IL1RAPL2: variants seen among roughly 807,000 people sequenced by gnomAD.
The protein encoded by IL1RAPL2 is interleukin 1 receptor accessory protein like 2, also known as X-linked interleukin-1 receptor accessory protein-like 2.
Under a neutral mutation model 44.1 loss-of-function variants are expected in IL1RAPL2, and 3 were observed. That is an observed-to-expected ratio of 0.07 (90% confidence interval 0.03 to 0.18). The LOEUF is 0.18. Among genes scored for constraint, IL1RAPL2 ranks in the 10% least tolerant of loss-of-function variants. The pLI is 1.00. For missense variants in IL1RAPL2, 391 were observed against 496.4 expected (o/e 0.79, Z 2.02); for synonymous variants, 181 against 178.8 (o/e 1.01, Z -0.10).
intron 5 of IL1RAPL2, among the ~76,000 whole-genome samples, chrX:105,434,497 T>C (rs182247622): frequency 4.0e-3 from 455 of 112,388 alleles, no homozygotes; most frequent in Non-Finnish European, 6.1e-3. Context: ...TTGTGGTGCA[T>C]CCACACAATG....
chrX:105,661,502 C>T (rs1426804889), intron 6 of IL1RAPL2, among the ~76,000 whole-genome samples: 1 of 112,183 alleles, frequency 8.9e-6, no homozygotes, highest in Non-Finnish European at 1.9e-5. Flanking sequence ...AGACCATTCT[C>T]AAGGATAGAC....
In IL1RAPL2 at chrX:104,585,333, A is replaced by AT. The variant is rs1465265131; in HGVS notation, c.-20+18283dup. 1.4e-3 allele frequency among the ~76,000 whole-genome samples: 24 copies of AT among 17,184 alleles called. 1 individual carries two copies. The African/African-American group carries it at 0.016, about 11-fold the overall frequency. The allele number at this position is 17,184 out of a possible 115,157, so 14.9% of individuals were successfully genotyped here. On this transcript the variant is annotated intron_variant, in intron 1 of 10. Coordinates refer to ENST00000372582, the MANE Select transcript of IL1RAPL2 (RefSeq NM_017416.2). ...ATATAATATATATTATATATAATAT[A>AT]TATTATATATTATATATATTATATA...
rs142175757 is a variant in IL1RAPL2 at position 105,370,892 on chromosome X, T to G, written c.697+103351T>G. Among the ~76,000 whole-genome samples the G allele has an allele frequency of 4.7e-3, 531 of 112,240 alleles. 4 individuals carry two copies. Among genetic ancestry groups the G allele is most frequent in the African/African-American group, 0.016 (505 of 30,959 alleles). ...AAGTGTTCCCTCTTCACTGCAGCCT[T>G]GCAAGCACCTGTTGTTTTTTGACTT... On this transcript the variant is annotated intron_variant, in intron 5 of 10. Transcript: ENST00000372582.
At chrX:105,016,393 G>T (rs772729109) in intron 2 of IL1RAPL2, among the ~76,000 whole-genome samples, 2 of 111,189 alleles carry the variant, frequency 1.8e-5, no homozygotes, top group Non-Finnish European at 3.8e-5. Flanking sequence ...CCTTCTGCCA[G>T]TTTTCAAAGG....
chrX:104,834,348 G>A (rs750791194), intron 2 of IL1RAPL2, among the ~76,000 whole-genome samples: 5 of 111,440 alleles, frequency 4.5e-5, no homozygotes, highest in East Asian at 2.8e-4. Context: ...CCTTGTCCAC[G>A]CCGCACCCTT....
At chrX:104,953,654 G>A (rs187066947) in intron 2 of IL1RAPL2, among the ~76,000 whole-genome samples, 12 of 111,440 alleles carry the variant, frequency 1.1e-4, no homozygotes, top group African/African-American at 3.9e-4. Flanking sequence ...CAAGAAAATA[G>A]GGGTAAGTTT....
chrX:104,624,185 C>G (rs1023835037), intron 1 of IL1RAPL2, among the ~76,000 whole-genome samples: 6 of 111,813 alleles, frequency 5.4e-5, no homozygotes, highest in Non-Finnish European at 9.4e-5. Context: ...AAGAATGCCT[C>G]AAACACCTGG....
chrX:105,203,990 C>T (rs1388150312), intron 3 of IL1RAPL2, among the ~76,000 whole-genome samples: 2 of 111,897 alleles, frequency 1.8e-5, no homozygotes, highest in East Asian at 2.8e-4. Context: ...AAAGCCCATA[C>T]TCAGATTCAA....
intron 7 of IL1RAPL2, among the ~76,000 whole-genome samples, chrX:105,723,901 G>A (rs1241882404): frequency 8.9e-6 from 1 of 111,741 alleles, no homozygotes; most frequent in Non-Finnish European, 1.9e-5. Context: ...TATGATTTTT[G>A]GGAGACCACA....
chrX:104,685,528 G>A (rs1403517342), intron 2 of IL1RAPL2, among the ~76,000 whole-genome samples: 3 of 111,267 alleles, frequency 2.7e-5, no homozygotes, highest in Non-Finnish European at 5.6e-5. Context: ...TGAGCACATT[G>A]CTGAATCATC....
At chrX:105,640,420 T>C (rs1261284750) in intron 6 of IL1RAPL2, among the ~76,000 whole-genome samples, 6 of 107,482 alleles carry the variant, frequency 5.6e-5, no homozygotes, top group Admixed American at 4.1e-4. Flanking sequence ...CTACAAATAA[T>C]GTTGCAACAG....
intron 6 of IL1RAPL2, among the ~76,000 whole-genome samples, chrX:105,509,464 G>A (rs1484953619): frequency 8.9e-6 from 1 of 112,083 alleles, no homozygotes; most frequent in Non-Finnish European, 1.9e-5. Context: ...GGCTTCATTG[G>A]TAGCCTCTGG....
intron 1 of IL1RAPL2, among the ~76,000 whole-genome samples, chrX:104,638,442 G>A (rs1929869909): frequency 9.0e-6 from 1 of 110,794 alleles, no homozygotes; most frequent in African/African-American, 3.3e-5. Flanking sequence ...TACTTGAGGT[G>A]CACTATTAAA....
intron 5 of IL1RAPL2, among the ~76,000 whole-genome samples, chrX:105,400,401 C>T (rs994457051): frequency 9.0e-5 from 10 of 110,837 alleles, no homozygotes; most frequent in Non-Finnish European, 1.5e-4. Context: ...ACTTATTGTG[C>T]GGGCTCTTAT....
chrX:104,871,103 A>G (rs1205941246), intron 2 of IL1RAPL2, among the ~76,000 whole-genome samples: 1 of 111,687 alleles, frequency 9.0e-6, no homozygotes, highest in Non-Finnish European at 1.9e-5. Flanking sequence ...TTAAATGTCT[A>G]TAATGGAAAT....
At chrX:105,248,490 G>A (rs928892003) in intron 4 of IL1RAPL2, among the ~76,000 whole-genome samples, 63 of 111,211 alleles carry the variant, frequency 5.7e-4, no homozygotes, top group African/African-American at 2.0e-3. Flanking sequence ...GAAAAATGAA[G>A]TGATCTTGTT....
chrX:105,670,046 T>C (rs1258436764), intron 6 of IL1RAPL2, among the ~76,000 whole-genome samples: 2 of 88,636 alleles, frequency 2.3e-5, no homozygotes, highest in Admixed American at 2.6e-4. Flanking sequence ...TGAAGTACTT[T>C]TACATTTTTG....
At chrX:105,493,233 G>T (rs2036333660) in intron 6 of IL1RAPL2, among the ~76,000 whole-genome samples, 1 of 111,677 alleles carries the variant, frequency 9.0e-6, no homozygotes, top group African/African-American at 3.3e-5. Context: ...GAGCATTCAT[G>T]TACAAATTTA....
chrX:105,605,201 C>A (rs181375916), intron 6 of IL1RAPL2, among the ~76,000 whole-genome samples: 2 of 110,903 alleles, frequency 1.8e-5, no homozygotes, highest in Non-Finnish European at 3.8e-5. Flanking sequence ...TATATAAATA[C>A]CTAAGGACTC....
Sources: gnomAD v4.1 joint callset for allele counts (sites outside exome capture counted in the v4.1 genomes callset) on GRCh38, gnomAD v4.1.1 for gene constraint, MANE v1.5 for transcripts, NCBI Gene and HGNC (gene_info 2026-07-23, HGNC 2026-07-21) for gene names.